The following HCLS1 variants were observed in gnomAD, a reference collection of about 807,000 sequenced individuals.
HCLS1 encodes the protein hematopoietic lineage cell-specific protein.
In HCLS1, 44 loss-of-function variants were observed where a neutral mutation model predicts 68.6. The ratio of observed to expected loss-of-function variants is 0.64; its 90% CI spans 0.50 to 0.82. The LOEUF is 0.82. HCLS1 is among the 40% of genes least tolerant of loss of function. The probability of loss-of-function intolerance (pLI) is 0.00; values close to 1 mark genes in which losing one functional copy is unlikely to be tolerated. For synonymous variants in HCLS1, 217 were observed against 225.8 expected (o/e 0.96, Z 0.35); for missense variants, 602 against 612.1 (o/e 0.98, Z 0.17).
intron 6 of HCLS1, among the ~76,000 whole-genome samples, chr3:121,639,909 A>G (rs1420388085): frequency 6.6e-6 from 1 of 152,198 alleles, no homozygotes; most frequent in East Asian, 1.9e-4. Context: ...AAACATAATA[A>G]AGATAAGAGC....
chr3:121,655,030 A>G (rs116067712), intron 3 of HCLS1, among the ~76,000 whole-genome samples: 2,535 of 152,304 alleles, frequency 0.017, 56 homozygotes, highest in African/African-American at 0.057. Context: ...AGCAGATACC[A>G]GGCTTTCACT....
At chr3:121,643,189 A>C in intron 5 of HCLS1, 1 of 469,456 alleles carries the variant, frequency 2.1e-6, no homozygotes, top group Non-Finnish European at 3.9e-6. Flanking sequence ...TTTTAGGTTC[A>C]AACCCTACAT....
chr3:121,647,685 A>C (rs1937643535), intron 3 of HCLS1, among the ~76,000 whole-genome samples: 1 of 152,198 alleles, frequency 6.6e-6, no homozygotes, highest in African/African-American at 2.4e-5. Context: ...TTGCTCACTA[A>C]AATAACCTTC....
At position 121,657,346 on chromosome 3, in the gene HCLS1, T is replaced by C. The variant is rs557856417; in HGVS notation, c.91A>G (p.Ile31Val). ...CCCCATCGTTGCTCCTTTTCAGAGA[T>C]GTCATTCTGCAAACGACAGCACGCA... Reference protein sequence around the residue: ...WDTDPDFVNDISEKEQRWGAK... With the variant: ...WDTDPDFVNDVSEKEQRWGAK... Residue 31 changes from isoleucine (I) to valine (V), a missense_variant, in exon 3 of 14, where the codon ATC becomes GTC. Coordinates refer to ENST00000314583, the MANE Select transcript of HCLS1 (RefSeq NM_005335.6). The C allele has an allele frequency of 6.2e-7, 1 of 1,614,126 alleles. No homozygotes were observed. The highest frequency in any genetic ancestry group is 2.2e-5 in the East Asian group (1 of 44,888).
intron 6 of HCLS1, among the ~76,000 whole-genome samples, chr3:121,641,925 C>CA (rs1247529509): frequency 3.3e-5 from 5 of 150,302 alleles, no homozygotes; most frequent in African/African-American, 9.8e-5. Context: ...ACTAAAAATA[C>CA]AAAAATTAGC....
rs758214954 is a variant in HCLS1 at position 121,644,905 on chromosome 3, A to C, written c.312T>G (p.Val104=). The C allele has an allele frequency of 6.2e-7, 1 of 1,614,036 alleles. No individual in the cohort carries two copies. The highest frequency in any genetic ancestry group is 8.5e-7 in the Non-Finnish European group (1 of 1,179,890). ...GAGAAGAGTGCTTCTCCACCTCGGC[A>C]ACATACTCATGGCCCACTGCACTCT... ...MDKSAVGHEY[V]AEVEKHSSQT... The change falls in exon 5 of 14, where the codon GTT becomes GTG. Residue 104 remains valine, a synonymous_variant. Transcript: ENST00000314583.
chr3:121,652,856 T>C (rs187724683), intron 3 of HCLS1, among the ~76,000 whole-genome samples: 2 of 152,254 alleles, frequency 1.3e-5, no homozygotes, highest in East Asian at 3.9e-4. Flanking sequence ...TCATGGGAAT[T>C]TGCATTTCAT....
chr3:121,644,687 C>T lies in HCLS1; in HGVS notation c.399+131G>A, dbSNP rs145932746. 159 of 775,874 alleles carry T rather than the reference C, an allele frequency of 2.0e-4. No homozygotes were observed. The East Asian group carries it at 2.9e-3, about 14-fold the overall frequency. 48.1% of individuals were successfully genotyped at this position (775,874 alleles called of 1,614,324 possible). A position where few individuals can be genotyped will look rare whatever the true frequency, so the allele number is the denominator to read the frequency against. On this transcript the variant is annotated intron_variant, in intron 5 of 13. Coordinates refer to ENST00000314583, the MANE Select transcript of HCLS1 (RefSeq NM_005335.6). ...CTTGCTGAGGGAGGTATCCCTGTGACGGTGTCAGGTCCTCACAGCATCCAC... is the reference window on the plus strand; with the variant it reads ...CTTGCTGAGGGAGGTATCCCTGTGATGGTGTCAGGTCCTCACAGCATCCAC...
chr3:121,658,208 A>T (rs1937915843), intron 2 of HCLS1, 56 bp downstream of exon 2: 22 of 1,292,510 alleles, frequency 1.7e-5, no homozygotes, highest in Non-Finnish European at 2.4e-5. Context: ...AGTGGCCCAG[A>T]TGCCCTCCTC....
intron 4 of HCLS1, among the ~76,000 whole-genome samples, chr3:121,645,940 T>C (rs2049242463): frequency 7.1e-6 from 1 of 140,318 alleles, no homozygotes; most frequent in South Asian, 2.1e-4. Context: ...ATACATAATA[T>C]AAATTTATAT....
Position 121,632,461 on chromosome 3 carries a change from C to T in HCLS1, c.1111G>A (p.Glu371Lys), listed in dbSNP as rs1054254476. The T allele has an allele frequency of 5.6e-6, 9 of 1,613,936 alleles. No individual in the cohort carries two copies. In the African/African-American group the frequency reaches 8.0e-5, roughly 14 times the overall value. ...TCATAGTCATTCTCAGGCTCGGGCT[C>T]AGGCTCGGGCTCAGGCTCAGGCTCT... is the stretch of plus-strand genomic sequence containing the variant. Reference protein sequence around the residue: ...EAEPEPEPEPEPEPENDYEDV... With the variant: ...EAEPEPEPEPKPEPENDYEDV... The change falls in exon 12 of 14, where the codon GAG becomes AAG. Residue 371 changes from glutamate (E) to lysine (K), a missense_variant. Glu to Lys is a moderately conservative substitution (Grantham distance 56). Coordinates refer to ENST00000314583, the MANE Select transcript of HCLS1 (RefSeq NM_005335.6).
chr3:121,647,214 C>T (rs1180251036), intron 4 of HCLS1, 105 bp downstream of exon 4: 2 of 1,136,816 alleles, frequency 1.8e-6, no homozygotes, highest in African/African-American at 1.5e-5. Flanking sequence ...ATCTCCTAAC[C>T]TCATGATCCA....
chr3:121,636,385 C>A, intron 8 of HCLS1, 49 bp downstream of exon 8: 1 of 1,476,002 alleles, frequency 6.8e-7, no homozygotes, highest in Non-Finnish European at 9.5e-7. Context: ...TGCACACTTT[C>A]CTAAACTTAG....
At chr3:121,643,136 A>G in intron 5 of HCLS1, 155 bp from the exon 6 acceptor site, 1 of 621,612 alleles carries the variant, frequency 1.6e-6, no homozygotes, top group East Asian at 2.8e-5. Flanking sequence ...GTATGGACAC[A>G]GGATACTACA....
At chr3:121,639,348 C>T (rs1459351786) in intron 6 of HCLS1, among the ~76,000 whole-genome samples, 2 of 152,120 alleles carry the variant, frequency 1.3e-5, no homozygotes, top group African/African-American at 2.4e-5. Flanking sequence ...TTTCAAAAGA[C>T]TGAAATATCA....
intron 9 of HCLS1, 109 bp from the exon 10 acceptor site, chr3:121,634,527 T>A (rs1278693670): frequency 5.9e-6 from 6 of 1,008,996 alleles, no homozygotes; most frequent in African/African-American, 1.6e-5. Flanking sequence ...GAGGAGGGAT[T>A]TGTGGGACAG....
intron 1 of HCLS1, among the ~76,000 whole-genome samples, chr3:121,658,884 T>C (rs1937930754): frequency 6.6e-6 from 1 of 152,182 alleles, no homozygotes; most frequent in Non-Finnish European, 1.5e-5. Flanking sequence ...CCAAGTGCTG[T>C]CCCACCTCCA....
Position 121,636,431 on chromosome 3 carries a change from T to A in HCLS1, c.621+3A>T. The A allele has an allele frequency of 6.2e-7, 1 of 1,611,036 alleles. No individual in the cohort carries two copies. Among genetic ancestry groups the A allele is most frequent in the Non-Finnish European group, 8.5e-7 (1 of 1,177,192 alleles). ...TTAAGACATTGGTGTTCCGGTGCTT[T>A]ACCTTATCCACTCGGTCCTTCTGGA... is the stretch of plus-strand genomic sequence containing the variant. On this transcript the variant is annotated splice_donor_region_variant and intron_variant, in intron 8 of 13. Transcript: ENST00000314583.
chr3:121,641,609 G>C (rs1027082910), intron 6 of HCLS1, among the ~76,000 whole-genome samples: 3 of 152,032 alleles, frequency 2.0e-5, no homozygotes, highest in Admixed American at 2.0e-4. Context: ...ACAACAATAT[G>C]GTTGGTTAAA....
Sources: gnomAD v4.1 joint callset for allele counts (sites outside exome capture counted in the v4.1 genomes callset) on GRCh38, gnomAD v4.1.1 for gene constraint, MANE v1.5 for transcripts, NCBI Gene and HGNC (gene_info 2026-07-23, HGNC 2026-07-21) for gene names.